The following KCNH1 variants were observed in gnomAD, a reference collection of about 807,000 sequenced individuals.
KCNH1 encodes potassium voltage-gated channel subfamily H member 1, also known as voltage-gated delayed rectifier potassium channel KCNH1.
KCNH1 carries 27 observed loss-of-function variants against 69.2 expected under a neutral mutation model. The observed-to-expected ratio is 0.39, with a 90% confidence interval of 0.29 to 0.54. The LOEUF is 0.54. Ranked by LOEUF, KCNH1 falls within the 20% of genes least tolerant of loss-of-function variation. The pLI, the probability that KCNH1 is intolerant of heterozygous loss-of-function variation, is 0.68. For synonymous variants in KCNH1, 456 were observed against 487.7 expected (o/e 0.93, Z 0.86); for missense variants, 798 against 1,261.6 (o/e 0.63, Z 5.57).
intron 10 of KCNH1, among the ~76,000 whole-genome samples, chr1:210,753,537 A>G (rs1683327162): frequency 6.6e-6 from 1 of 152,198 alleles, no homozygotes; most frequent in African/African-American, 2.4e-5. Context: ...TCAGGGCCCA[A>G]GTGTTTGATG....
intron 10 of KCNH1, among the ~76,000 whole-genome samples, chr1:210,728,642 C>T (rs1682668319): frequency 2.0e-5 from 3 of 152,188 alleles, no homozygotes; most frequent in Admixed American, 1.3e-4. Flanking sequence ...CACACACACA[C>T]GTGCTTACAC....
At chr1:211,108,972 C>T (rs181365018) in intron 1 of KCNH1, among the ~76,000 whole-genome samples, 115 of 152,204 alleles carry the variant, frequency 7.6e-4, no homozygotes, top group Non-Finnish European at 1.4e-3. Context: ...ATGTCCACAA[C>T]TAACTAAAGA....
rs1453107805 is a variant in KCNH1 at position 211,082,917 on chromosome 1, T to G, written c.440-19A>C. On this transcript the variant is annotated intron_variant, in intron 4 of 10. Coordinates refer to ENST00000271751, the MANE Select transcript of KCNH1 (RefSeq NM_172362.3). ...CCCCAGCCTGAAGCAAGTGGAAGAGTGAAAAGACAGGGTCAACCACATCCC... is the reference window on the plus strand; with the variant it reads ...CCCCAGCCTGAAGCAAGTGGAAGAGGGAAAAGACAGGGTCAACCACATCCC... The G allele has an allele frequency of 6.2e-7, 1 of 1,600,934 alleles. No homozygotes were observed. Among genetic ancestry groups the G allele is most frequent in the African/African-American group, 1.3e-5 (1 of 74,588 alleles).
chr1:210,806,516 G>A (rs1425570210), intron 7 of KCNH1, among the ~76,000 whole-genome samples: 1 of 151,328 alleles, frequency 6.6e-6, no homozygotes, highest in Non-Finnish European at 1.5e-5. Context: ...CATTTTTGGT[G>A]GTATCATTTA....
intron 5 of KCNH1, among the ~76,000 whole-genome samples, chr1:211,020,464 A>G (rs1689568672): frequency 6.7e-6 from 1 of 149,662 alleles, no homozygotes; most frequent in Non-Finnish European, 1.5e-5. Context: ...GACCAATAAC[A>G]AGAAATAAGA....
At chr1:210,987,087 G>A (rs1202427153) in intron 6 of KCNH1, among the ~76,000 whole-genome samples, 4 of 152,144 alleles carry the variant, frequency 2.6e-5, no homozygotes, top group Non-Finnish European at 4.4e-5. Flanking sequence ...AGCTACCGAG[G>A]CTTGTGCATT....
chr1:210,903,819 A>G (rs1687044203), intron 7 of KCNH1, among the ~76,000 whole-genome samples: 1 of 152,180 alleles, frequency 6.6e-6, no homozygotes, highest in Non-Finnish European at 1.5e-5. Flanking sequence ...GATGAAGGTT[A>G]CTTTACCTAT....
chr1:210,899,236 C>A (rs1686940060), intron 7 of KCNH1, among the ~76,000 whole-genome samples: 1 of 152,132 alleles, frequency 6.6e-6, no homozygotes, highest in Non-Finnish European at 1.5e-5. Context: ...TTTCCAGAAA[C>A]CACATAGTAT....
chr1:211,130,866 T>C (rs1691862859), intron 1 of KCNH1, among the ~76,000 whole-genome samples: 1 of 152,198 alleles, frequency 6.6e-6, no homozygotes, highest in African/African-American at 2.4e-5. Flanking sequence ...GTGAACAGAC[T>C]GCATTTCCTT....
chr1:210,758,924 C>T (rs959819232), intron 10 of KCNH1, among the ~76,000 whole-genome samples: 2 of 152,168 alleles, frequency 1.3e-5, no homozygotes, highest in African/African-American at 2.4e-5. Context: ...ACTTACTGGA[C>T]TGCAGCCTGA....
At position 210,683,284 on chromosome 1, in the gene KCNH1, G is replaced by T. The variant is rs572030486; in HGVS notation, c.2967C>A (p.Ser989Arg). 2 of 1,612,618 alleles carry T rather than the reference G, an allele frequency of 1.2e-6. No individual in the cohort carries two copies. Among genetic ancestry groups the T allele is most frequent in the South Asian group, 2.2e-5 (2 of 90,936 alleles). ...ACTTTTTTTTTAAATAGACCTCTCA[G>T]CTGGCTCCAAAAATGTCTCTCTCTG... ...PESERDIFGA[S>R] The change falls in exon 11 of 11, where the codon AGC becomes AGA. Residue 989 changes from serine to arginine, a missense_variant. Around this residue, in one of 4 missense-constraint regions of KCNH1, gnomAD observed 331 missense variants for 363.2 expected, o/e 0.91. Transcript: ENST00000271751. The surrounding 1 kb of genome is among the most constrained non-coding windows in gnomAD (Gnocchi z 5.7).
chr1:210,775,825 GAC>G (rs2102372519), intron 9 of KCNH1, among the ~76,000 whole-genome samples: 1 of 152,144 alleles, frequency 6.6e-6, no homozygotes, highest in Admixed American at 6.5e-5. Context: ...TCCAAAATAG[GAC>G]ACACACACCC....
chr1:211,038,514 C>T (rs1689938135), intron 5 of KCNH1, among the ~76,000 whole-genome samples: 1 of 152,172 alleles, frequency 6.6e-6, no homozygotes, highest in African/African-American at 2.4e-5. Context: ...GTTTGGAGGG[C>T]TCAGAAGAAG....
Position 211,035,490 on chromosome 1 carries a change from C to T in KCNH1, c.559-16234G>A, listed in dbSNP as rs577253615. Among the ~76,000 whole-genome samples, 5 of 151,508 alleles carry T rather than the reference C, an allele frequency of 3.3e-5. No homozygotes were observed. The East Asian group carries it at 5.8e-4, about 18-fold the overall frequency. On this transcript the variant is annotated intron_variant, in intron 5 of 10. Transcript: ENST00000271751. The stretch of plus-strand genomic sequence containing the variant: ...GTCTCGATCTCCTGACCTCGTGATC[C>T]GCCCGCCTCGGCCTCCCAAAGTGCT...
intron 7 of KCNH1, among the ~76,000 whole-genome samples, chr1:210,872,556 G>A (rs1180106688): frequency 1.3e-5 from 2 of 152,142 alleles, no homozygotes; most frequent in Non-Finnish European, 2.9e-5. Context: ...CAGAAAGCAC[G>A]ATGCTGACAT....
At chr1:211,015,649 T>C (rs555345944) in intron 6 of KCNH1, among the ~76,000 whole-genome samples, 55 of 152,344 alleles carry the variant, frequency 3.6e-4, no homozygotes, top group Middle Eastern at 3.4e-3. Flanking sequence ...CTCTTGGAGC[T>C]GGCAGGAAAC....
chr1:211,120,187 T>C (rs1040531119), intron 1 of KCNH1, among the ~76,000 whole-genome samples: 1 of 148,884 alleles, frequency 6.7e-6, no homozygotes, highest in African/African-American at 2.5e-5. Flanking sequence ...ATTATATATA[T>C]ACATTTTTTT....
chr1:210,849,856 T>G (rs923338844), intron 7 of KCNH1, among the ~76,000 whole-genome samples: 4 of 152,142 alleles, frequency 2.6e-5, no homozygotes, highest in African/African-American at 9.7e-5. Flanking sequence ...GTCTGTGATT[T>G]AAGTGTAAGT....
chr1:210,696,242 G>A (rs1681636742), intron 10 of KCNH1, among the ~76,000 whole-genome samples: 2 of 152,280 alleles, frequency 1.3e-5, no homozygotes, highest in Admixed American at 6.5e-5. Flanking sequence ...GCTGCATGGA[G>A]CACCCACTCA....
Sources: gnomAD v4.1 joint callset for allele counts (sites outside exome capture counted in the v4.1 genomes callset) on GRCh38, gnomAD v4.1.1 for gene constraint, gnomAD v4.1.1 regional missense constraint, Gnocchi (gnomAD v3.1) non-coding constraint, MANE v1.5 for transcripts, NCBI Gene and HGNC (gene_info 2026-07-23, HGNC 2026-07-21) for gene names.